The following CHST13 variants were observed in gnomAD, a reference collection of about 807,000 sequenced individuals.
The protein encoded by CHST13 is C4ST-3.
In CHST13, 1 loss-of-function variant was observed where a neutral mutation model predicts 7.0. The observed-to-expected ratio is 0.14, with a 90% CI of 0.05 to 0.68. The LOEUF is 0.68. CHST13 is among the 30% of genes least tolerant of loss of function. The pLI, the probability that CHST13 is intolerant of heterozygous loss-of-function variation, is 0.82. For synonymous variants in CHST13, 257 were observed against 240.9 expected (o/e 1.07, Z -0.62); for missense variants, 572 against 507.9 (o/e 1.13, Z -1.21).
In CHST13 at chr3:126,524,995, C is replaced by T. The variant is rs1296983198; in HGVS notation, c.97+566C>T. Among the ~76,000 whole-genome samples the T allele has an allele frequency of 2.0e-5, 3 of 152,152 alleles. No individual in the cohort carries two copies. The East Asian group carries it at 5.8e-4, about 29-fold the overall frequency. ...AGTCATGACTCCGCAGAGCTGAGTG[C>T]CCTGGGCTCCACCGGTGCTGAGTCT... On this transcript the variant is annotated intron_variant, in intron 1 of 2. Coordinates refer to ENST00000319340, the MANE Select transcript of CHST13 (RefSeq NM_152889.3).
rs771930296 is a variant in CHST13 at position 126,542,084 on chromosome 3, G to C, written c.532G>C (p.Glu178Gln). Residue 178 changes from glutamate (E) to glutamine (Q), a missense_variant, in exon 3 of 3, where the codon GAG (glutamate) becomes CAG (glutamine). Physicochemically the swap from Glu to Gln is conservative, Grantham distance 29. Transcript: ENST00000319340. ...LAFLFVREPF[E>Q]RLASAYRNKL... ...CTTCCTGTTCGTGCGGGAGCCCTTC[G>C]AGCGCCTGGCATCGGCTTACCGCAA... 11 of 1,584,228 alleles carry C rather than the reference G, an allele frequency of 6.9e-6. No individual in the cohort carries two copies. Among genetic ancestry groups the C allele is most frequent in the Non-Finnish European group, 1.7e-6 (2 of 1,169,542 alleles).
At chr3:126,540,046 CAG>C (rs1241787335) in intron 2 of CHST13, among the ~76,000 whole-genome samples, 3 of 149,274 alleles carry the variant, frequency 2.0e-5, no homozygotes, top group African/African-American at 7.4e-5. Context: ...ACACACCACA[CAG>C]AGACATCATG....
In CHST13 at chr3:126,542,453, C is replaced by T. The variant is rs1431270639; in HGVS notation, c.901C>T (p.Arg301Cys). 3 of 1,567,790 alleles carry T rather than the reference C, an allele frequency of 1.9e-6. No individual in the cohort carries two copies. The highest frequency in any genetic ancestry group is 3.7e-5 in the Admixed American group (2 of 53,956). The change falls in exon 3 of 3, where the codon CGC becomes TGC. Residue 301 changes from arginine to cysteine, a missense_variant. Coordinates refer to ENST00000319340, the MANE Select transcript of CHST13 (RefSeq NM_152889.3). Reference sequence around the variant, plus strand: ...GCGGCCCCGGGGAGCCGCCGCCTCCCGCGACCTGGCAGCGCGCCTCTTCCG... The same window carrying T: ...GCGGCCCCGGGGAGCCGCCGCCTCCTGCGACCTGGCAGCGCGCCTCTTCCG... ...PPRPRGAAAS[R>C]DLAARLFRDI...
At chr3:126,532,116 G>C (rs775368671) in intron 1 of CHST13, among the ~76,000 whole-genome samples, 1 of 152,250 alleles carries the variant, frequency 6.6e-6, no homozygotes, top group Non-Finnish European at 1.5e-5. Flanking sequence ...AAATTGAGTT[G>C]TCTTTTGTTG....
rs866537155 is a variant in CHST13, at chr3:126,535,186, G to A, written c.98-1085G>A. ...ACAGACAGCATCCCTGTCCCCAGCC[G>A]GGAGACAGACAGACAGCATCGCTGT... On this transcript the variant is annotated intron_variant, in intron 1 of 2. Coordinates refer to ENST00000319340, the MANE Select transcript of CHST13 (RefSeq NM_152889.3). 1.1e-3 allele frequency among the ~76,000 whole-genome samples: 160 copies of A among 149,422 alleles called. No homozygotes were observed. The Middle Eastern group carries it at 0.036, about 34-fold the overall frequency.
At chr3:126,524,714 G>C (rs1315023550) in intron 1 of CHST13, among the ~76,000 whole-genome samples, 2 of 152,182 alleles carry the variant, frequency 1.3e-5, no homozygotes, top group Non-Finnish European at 2.9e-5. Flanking sequence ...GTGGGGGGTA[G>C]AGGACAATTG....
chr3:126,535,941 G>A (rs1936780230), intron 1 of CHST13, among the ~76,000 whole-genome samples: 1 of 152,268 alleles, frequency 6.6e-6, no homozygotes, highest in Admixed American at 6.5e-5. Flanking sequence ...GCAGATGGCA[G>A]TGGGTGAGTT....
At position 126,537,459 on chromosome 3, in the gene CHST13, A is replaced by G. The variant is rs573075384; in HGVS notation, c.180+1106A>G. Among the ~76,000 whole-genome samples the G allele has an allele frequency of 1.1e-3, 170 of 152,290 alleles. No individual in the cohort carries two copies. The Middle Eastern group carries it at 0.041, about 37-fold the overall frequency. On this transcript the variant is annotated intron_variant, in intron 2 of 2. Coordinates refer to ENST00000319340, the MANE Select transcript of CHST13 (RefSeq NM_152889.3). Reference sequence around the variant, plus strand: ...CCCTACTGCTGTGTAGAGAAGGATCAGGGTGGTGTTGGGTAGGTGGCTGCT... The same window carrying G: ...CCCTACTGCTGTGTAGAGAAGGATCGGGGTGGTGTTGGGTAGGTGGCTGCT...
At chr3:126,537,123 T>C (rs1936813110) in intron 2 of CHST13, among the ~76,000 whole-genome samples, 1 of 152,076 alleles carries the variant, frequency 6.6e-6, no homozygotes, top group Non-Finnish European at 1.5e-5. Context: ...AAGGGGAGTA[T>C]GAGGTGCAAC....
rs1412445012 is a variant in CHST13 at position 126,541,822 on chromosome 3, G to A, written c.270G>A (p.Leu90=). The stretch of plus-strand genomic sequence containing the variant: ...GCCGCCACTCACGCCGGCAGCGCCT[G>A]CTACAGCCGGAGGACCTGCGGCACG... ...ACSRHSRRQR[L]LQPEDLRHVL... is the part of the protein sequence containing the mutation. Residue 90 remains leucine, a synonymous_variant, in exon 3 of 3, where the codon CTG becomes CTA. Coordinates refer to ENST00000319340, the MANE Select transcript of CHST13 (RefSeq NM_152889.3). 6.4e-7 allele frequency: 1 copy of A among 1,565,584 alleles called. No homozygotes were observed. The highest frequency in any genetic ancestry group is 2.4e-5 in the East Asian group (1 of 41,828).
chr3:126,526,432 AG>A (rs752619881), intron 1 of CHST13, among the ~76,000 whole-genome samples: 11 of 152,286 alleles, frequency 7.2e-5, no homozygotes, highest in Non-Finnish European at 1.6e-4. Context: ...CCTGGGGATG[AG>A]GGCTCCAGAA....
Position 126,524,706 on chromosome 3 carries a change from G to T in CHST13, c.97+277G>T, listed in dbSNP as rs533682303. Among the ~76,000 whole-genome samples the T allele has an allele frequency of 4.6e-5, 7 of 152,262 alleles. No individual in the cohort carries two copies. The East Asian group carries it at 5.8e-4, about 13-fold the overall frequency. On this transcript the variant is annotated intron_variant, in intron 1 of 2. Transcript: ENST00000319340. Reference sequence around the variant, plus strand: ...GTGCCTGGAGACCGGGGTCAGTTGTGGGGGGTAGAGGACAATTGGCCAATC... The same window carrying T: ...GTGCCTGGAGACCGGGGTCAGTTGTTGGGGGTAGAGGACAATTGGCCAATC...
chr3:126,525,533 C>A (rs1226368701), intron 1 of CHST13, among the ~76,000 whole-genome samples: 1 of 152,204 alleles, frequency 6.6e-6, no homozygotes, highest in East Asian at 1.9e-4. Flanking sequence ...AGCACCCCCA[C>A]AACCCCTTCT....
At chr3:126,531,520 C>T (rs183942685) in intron 1 of CHST13, among the ~76,000 whole-genome samples, 17 of 152,312 alleles carry the variant, frequency 1.1e-4, no homozygotes, top group Non-Finnish European at 2.1e-4. Context: ...TGAACTCTTA[C>T]GGACATATTA....
At chr3:126,537,960 G>A (rs1249621997) in intron 2 of CHST13, among the ~76,000 whole-genome samples, 1 of 152,180 alleles carries the variant, frequency 6.6e-6, no homozygotes, top group Non-Finnish European at 1.5e-5. Flanking sequence ...CACTGTGGGG[G>A]TGAGGACAGG....
rs778289276 is a variant in CHST13, at chr3:126,542,473, C to T, written c.921C>T (p.Leu307=). The change falls in exon 3 of 3, where the codon CTC becomes CTT. Residue 307 remains leucine (L), a synonymous_variant. Coordinates refer to ENST00000319340, the MANE Select transcript of CHST13 (RefSeq NM_152889.3). ...CCTCCCGCGACCTGGCAGCGCGCCT[C>T]TTCCGGGACATCAGCCCCTTCTACC... ...AAASRDLAAR[L]FRDISPFYQR... The T allele has an allele frequency of 7.0e-6, 11 of 1,581,518 alleles. No homozygotes were observed. In the Admixed American group the frequency reaches 1.3e-4, roughly 18 times the overall value.
chr3:126,538,356 T>A (rs1936843430), intron 2 of CHST13, among the ~76,000 whole-genome samples: 1 of 152,152 alleles, frequency 6.6e-6, no homozygotes, highest in Non-Finnish European at 1.5e-5. Context: ...AGAAAGTGAG[T>A]GGTGGGGTAA....
In CHST13 at chr3:126,541,975, A is replaced by C; in HGVS notation, c.423A>C (p.Gln141His). Residue 141 changes from glutamine (Q) to histidine (H), a missense_variant, in exon 3 of 3, where the codon CAA becomes CAC. Coordinates refer to ENST00000319340, the MANE Select transcript of CHST13 (RefSeq NM_152889.3). ...ARGDPRAISAQEAHAPGRLPS... is the reference protein window; with the variant it reads ...ARGDPRAISAHEAHAPGRLPS... ...GCGACCCGCGCGCCATCTCCGCGCA[A>C]GAGGCGCACGCGCCTGGCCGCCTGC... is the stretch of plus-strand genomic sequence containing the variant. The C allele has an allele frequency of 6.3e-7, 1 of 1,578,562 alleles. No individual in the cohort carries two copies. The highest frequency in any genetic ancestry group is 8.6e-7 in the Non-Finnish European group (1 of 1,165,354).
chr3:126,531,675 TG>T (rs1936663196), intron 1 of CHST13, among the ~76,000 whole-genome samples: 1 of 152,236 alleles, frequency 6.6e-6, no homozygotes, highest in Non-Finnish European at 1.5e-5. Flanking sequence ...TAATAGCCCA[TG>T]TTATGGATAT....
Sources: gnomAD v4.1 joint callset for allele counts (sites outside exome capture counted in the v4.1 genomes callset) on GRCh38, gnomAD v4.1.1 for gene constraint, MANE v1.5 for transcripts, NCBI Gene and HGNC (gene_info 2026-07-23, HGNC 2026-07-21) for gene names.